ADGRL2: variants seen among roughly 807,000 people sequenced by gnomAD.
ADGRL2 encodes the protein calcium-independent alpha-latrotoxin receptor 2.
In ADGRL2, 44 loss-of-function variants were observed where a neutral mutation model predicts 157.4. That is an observed-to-expected ratio of 0.28 (90% confidence interval 0.22 to 0.36). The LOEUF is 0.36. Ranked by LOEUF, ADGRL2 falls within the 10% of genes least tolerant of loss-of-function variation. The pLI is 1.00. For missense variants in ADGRL2, 1,510 were observed against 1,768.9 expected (o/e 0.85, Z 2.63); for synonymous variants, 585 against 624.7 (o/e 0.94, Z 0.95).
chr1:81,553,422 A>T lies in ADGRL2; in HGVS notation c.-247-27454A>T, dbSNP rs554060865. Reference sequence around the variant, plus strand: ...TCACATCTTTAATGCTCTTCAGAAGAGGTCTATAGAAGGCAAATTGTAAAT... The same window carrying T: ...TCACATCTTTAATGCTCTTCAGAAGTGGTCTATAGAAGGCAAATTGTAAAT... On this transcript the variant is annotated intron_variant, in intron 2 of 24. Transcript: ENST00000370721. Among the ~76,000 whole-genome samples, 4 of 152,322 alleles carry T rather than the reference A, an allele frequency of 2.6e-5. No individual in the cohort carries two copies. In the East Asian group the frequency reaches 7.7e-4, roughly 29 times the overall value.
At chr1:81,555,899 G>A (rs1343773331) in intron 2 of ADGRL2, among the ~76,000 whole-genome samples, 2 of 152,018 alleles carry the variant, frequency 1.3e-5, no homozygotes, top group Non-Finnish European at 2.9e-5. Context: ...TGCCCCCATT[G>A]TCATGCTACT....
chr1:81,894,498 A>G (rs534498983), intron 2 of ADGRL2, among the ~76,000 whole-genome samples: 1 of 152,250 alleles, frequency 6.6e-6, no homozygotes, highest in African/African-American at 2.4e-5. Context: ...CAAGCTCTGT[A>G]TATCTTTTGG....
chr1:81,863,245 G>A (rs189335460), intron 2 of ADGRL2, among the ~76,000 whole-genome samples: 2 of 151,992 alleles, frequency 1.3e-5, no homozygotes, highest in African/African-American at 4.8e-5. Flanking sequence ...TATGAATTGA[G>A]GGTGGGCAAC....
intron 2 of ADGRL2, among the ~76,000 whole-genome samples, chr1:81,484,812 G>T (rs1464556202): frequency 6.6e-6 from 1 of 151,998 alleles, no homozygotes; most frequent in Non-Finnish European, 1.5e-5. Context: ...TCATTTATTT[G>T]TTCCATTGAT....
chr1:81,576,168 G>A (rs1025422046), intron 2 of ADGRL2, among the ~76,000 whole-genome samples: 1 of 152,114 alleles, frequency 6.6e-6, no homozygotes, highest in Middle Eastern at 3.4e-3. Flanking sequence ...GGATGAGGTG[G>A]GTATTTAGTA....
At chr1:81,357,663 C>G (rs1227596445) in intron 1 of ADGRL2, among the ~76,000 whole-genome samples, 1 of 152,086 alleles carries the variant, frequency 6.6e-6, no homozygotes, top group Non-Finnish European at 1.5e-5. Context: ...AACATTAACA[C>G]CACCATTTTA....
At chr1:81,494,878 C>T (rs1423285489) in intron 2 of ADGRL2, among the ~76,000 whole-genome samples, 3 of 152,070 alleles carry the variant, frequency 2.0e-5, no homozygotes, top group African/African-American at 4.8e-5. Flanking sequence ...ACCTACATTA[C>T]CATATTATAC....
At chr1:81,418,182 C>G (rs1297569850) in intron 1 of ADGRL2, among the ~76,000 whole-genome samples, 1 of 151,350 alleles carries the variant, frequency 6.6e-6, no homozygotes, top group Non-Finnish European at 1.5e-5. Flanking sequence ...TCTGCACACT[C>G]AAAACAAACA....
intron 1 of ADGRL2, among the ~76,000 whole-genome samples, chr1:81,321,446 C>G (rs770277621): frequency 6.6e-6 from 1 of 152,100 alleles, no homozygotes; most frequent in Non-Finnish European, 1.5e-5. Flanking sequence ...TCTCACTAAG[C>G]TTCATCATTT....
intron 3 of ADGRL2, among the ~76,000 whole-genome samples, chr1:81,588,616 T>C (rs2148577492): frequency 6.6e-6 from 1 of 152,248 alleles, no homozygotes; most frequent in South Asian, 2.1e-4. Context: ...AACCACATTC[T>C]CATAACTTAG....
intron 3 of ADGRL2, among the ~76,000 whole-genome samples, chr1:81,644,051 A>G (rs999119615): frequency 1.3e-5 from 2 of 152,216 alleles, no homozygotes; most frequent in Non-Finnish European, 2.9e-5. Context: ...AAGAAACAGA[A>G]TAGAGCCCAG....
intron 1 of ADGRL2, among the ~76,000 whole-genome samples, chr1:81,814,932 G>A (rs2149729983): frequency 6.6e-6 from 1 of 151,696 alleles, no homozygotes; most frequent in East Asian, 1.9e-4. Context: ...TTTAAACACA[G>A]TAGCATTACC....
At chr1:81,539,857 C>G (rs1484975624) in intron 2 of ADGRL2, among the ~76,000 whole-genome samples, 1 of 151,182 alleles carries the variant, frequency 6.6e-6, no homozygotes, top group Non-Finnish European at 1.5e-5. Flanking sequence ...AAAGGCAAAT[C>G]CCAAAAGCAG....
chr1:81,310,049 C>T (rs1372183685), intron 1 of ADGRL2, among the ~76,000 whole-genome samples: 1 of 152,124 alleles, frequency 6.6e-6, no homozygotes, highest in African/African-American at 2.4e-5. Context: ...TGGCTCTTTT[C>T]CTTACCTTTC....
intron 2 of ADGRL2, among the ~76,000 whole-genome samples, chr1:81,906,314 A>G (rs1306430253): frequency 6.6e-6 from 1 of 152,166 alleles, no homozygotes. Flanking sequence ...TTTTAAAATC[A>G]TACCAGTATG....
chr1:81,705,212 C>T (rs1371625755), intron 1 of ADGRL2, among the ~76,000 whole-genome samples: 1 of 152,206 alleles, frequency 6.6e-6, no homozygotes, highest in East Asian at 1.9e-4. Flanking sequence ...CCACCATGCC[C>T]CACTAATTTT....
intron 1 of ADGRL2, among the ~76,000 whole-genome samples, chr1:81,397,551 C>T (rs1366622492): frequency 6.6e-6 from 1 of 152,000 alleles, no homozygotes; most frequent in Admixed American, 6.6e-5. Flanking sequence ...GATCTCCTGA[C>T]CTCGTGATCC....
intron 11 of ADGRL2, among the ~76,000 whole-genome samples, chr1:81,962,685 A>G (rs1177263670): frequency 6.6e-6 from 1 of 150,970 alleles, no homozygotes; most frequent in Non-Finnish European, 1.5e-5. Flanking sequence ...TTTAATTATG[A>G]TATCATATGA....
intron 1 of ADGRL2, among the ~76,000 whole-genome samples, chr1:81,711,424 G>A (rs72715708): frequency 0.018 from 2,743 of 152,232 alleles, 42 homozygotes; most frequent in South Asian, 0.051. Flanking sequence ...TCCTCAAGAC[G>A]GTCAGACTTC....
Sources: gnomAD v4.1 joint callset for allele counts (sites outside exome capture counted in the v4.1 genomes callset) on GRCh38, gnomAD v4.1.1 for gene constraint, MANE v1.5 for transcripts, NCBI Gene and HGNC (gene_info 2026-07-23, HGNC 2026-07-21) for gene names.